Variants in PATJ observed in about 807,000 individuals in gnomAD.
PATJ encodes PATJ crumbs cell polarity complex component.
Under a neutral mutation model 224.9 loss-of-function variants are expected in PATJ, and 190 were observed. The observed-to-expected ratio is 0.84, with a 90% CI of 0.75 to 0.95. PATJ has a LOEUF of 0.95. PATJ is among the 40% of genes least tolerant of loss of function. The probability of loss-of-function intolerance (pLI) is 0.00; values close to 1 mark genes in which losing one functional copy is unlikely to be tolerated. For synonymous variants in PATJ, 769 were observed against 820.3 expected, an observed-to-expected ratio of 0.94 and a Z score of 1.07; for missense variants, 2,121 against 2,270.3, an observed-to-expected ratio of 0.93 and a Z score of 1.34.
chr1:61,858,721 G>A (rs1255526724), intron 18 of PATJ, among the ~76,000 whole-genome samples: 1 of 152,170 alleles, frequency 6.6e-6, no homozygotes, highest in Non-Finnish European at 1.5e-5. Flanking sequence ...TAAGATTTTG[G>A]CAGAGACAAA....
chr1:62,144,589 C>A (rs1169664269), intron 41 of PATJ, among the ~76,000 whole-genome samples: 1 of 151,670 alleles, frequency 6.6e-6, no homozygotes, highest in Non-Finnish European at 1.5e-5. Context: ...GAAGACAACT[C>A]CAGGATAAGG....
In PATJ at chr1:61,959,433, T is replaced by C. The variant is rs1375627529; in HGVS notation, c.3671-30735T>C. Reference sequence around the variant, plus strand: ...TATTATATATATAATATATTTTTTTTCTTTTCTTTTTTTTTTTTTTGAGAC... The same window carrying C: ...TATTATATATATAATATATTTTTTTCCTTTTCTTTTTTTTTTTTTTGAGAC... On this transcript the variant is annotated intron_variant, in intron 27 of 43. Transcript: ENST00000642238. Among the ~76,000 whole-genome samples, 126 of 32,374 alleles carry C rather than the reference T, an allele frequency of 3.9e-3. 4 individuals carry two copies. The highest frequency in any genetic ancestry group is 9.4e-3 in the South Asian group (7 of 748). 21.2% of individuals were successfully genotyped at this position (32,374 alleles called of 152,430 possible).
chr1:62,053,718 TAAA>T (rs61264854), intron 31 of PATJ, among the ~76,000 whole-genome samples: 1 of 146,326 alleles, frequency 6.8e-6, no homozygotes, highest in Non-Finnish European at 1.5e-5. Context: ...AAATTCCGTC[TAAA>T]AAAAAAAAAG....
At chr1:61,913,078 T>C (rs369330024) in intron 25 of PATJ, among the ~76,000 whole-genome samples, 1 of 152,300 alleles carries the variant, frequency 6.6e-6, no homozygotes, top group East Asian at 1.9e-4. Context: ...GACTTTCTCA[T>C]TCTAAACTTT....
At chr1:61,890,061 G>A (rs983708633) in intron 22 of PATJ, among the ~76,000 whole-genome samples, 2 of 152,196 alleles carry the variant, frequency 1.3e-5, no homozygotes, top group Admixed American at 6.5e-5. Flanking sequence ...GGTCTGTGGT[G>A]TGGATGTATT....
intron 30 of PATJ, among the ~76,000 whole-genome samples, chr1:62,046,314 T>C (rs906886843): frequency 4.6e-5 from 7 of 152,206 alleles, no homozygotes; most frequent in African/African-American, 1.7e-4. Flanking sequence ...ATTACAACTT[T>C]AGCTCTACTT....
At chr1:62,137,796 C>G (rs1303554014) in intron 41 of PATJ, among the ~76,000 whole-genome samples, 1 of 151,960 alleles carries the variant, frequency 6.6e-6, no homozygotes, top group Non-Finnish European at 1.5e-5. Flanking sequence ...GCAGCCTCCC[C>G]GTCCTCTGGT....
chr1:61,957,309 A>C (rs927655905), intron 27 of PATJ, among the ~76,000 whole-genome samples: 14 of 152,220 alleles, frequency 9.2e-5, no homozygotes, highest in Non-Finnish European at 1.6e-4. Context: ...TATGGGCTGC[A>C]TGGTACAATG....
intron 7 of PATJ, among the ~76,000 whole-genome samples, chr1:61,786,777 G>A (rs760832934): frequency 6.6e-6 from 1 of 152,038 alleles, no homozygotes; most frequent in Non-Finnish European, 1.5e-5. Flanking sequence ...GGATCAAGAG[G>A]TCAGGAGTTT....
intron 28 of PATJ, among the ~76,000 whole-genome samples, chr1:61,995,524 A>C (rs888982239): frequency 1.4e-4 from 21 of 152,174 alleles, no homozygotes; most frequent in Admixed American, 9.8e-4. Context: ...TGTCCATGAC[A>C]CACTTTTGGT....
chr1:61,756,920 T>G (rs1645679157), intron 1 of PATJ, among the ~76,000 whole-genome samples: 1 of 152,090 alleles, frequency 6.6e-6, no homozygotes, highest in African/African-American at 2.4e-5. Flanking sequence ...CTCATTCCAG[T>G]ATTCCTAAAC....
At chr1:62,065,600 T>A (rs1381478339) in intron 31 of PATJ, among the ~76,000 whole-genome samples, 1 of 152,034 alleles carries the variant, frequency 6.6e-6, no homozygotes, top group Non-Finnish European at 1.5e-5. Context: ...AGAGTAAGAC[T>A]CTGTCTCAAA....
intron 27 of PATJ, among the ~76,000 whole-genome samples, chr1:61,971,428 T>A (rs948161654): frequency 1.3e-5 from 2 of 151,590 alleles, no homozygotes; most frequent in African/African-American, 4.8e-5. Context: ...GGCAGAAGGA[T>A]CACTTAAACT....
At chr1:62,118,688 G>A (rs953482145) in intron 37 of PATJ, among the ~76,000 whole-genome samples, 1 of 152,074 alleles carries the variant, frequency 6.6e-6, no homozygotes, top group Non-Finnish European at 1.5e-5. Flanking sequence ...GGAGTGCAAT[G>A]GCGCGATCTC....
rs369397744 is a variant in PATJ at position 61,787,918 on chromosome 1, C to A, written c.1014C>A (p.Ala338=). Reference sequence around the variant, plus strand: ...GTGACATTTCAGTCACCCCCCCTGCCCCTGCAGCCTTACCTGTTGCCCTGC... The same window carrying A: ...GTGACATTTCAGTCACCCCCCCTGCACCTGCAGCCTTACCTGTTGCCCTGC... The part of the protein sequence containing the change: ...PAGDISVTPP[A]PAALPVALPT... Residue 338 remains alanine (A), a synonymous_variant, in exon 8 of 44, where the codon GCC becomes GCA. Coordinates refer to ENST00000642238, the MANE Select transcript of PATJ (RefSeq NM_001350145.3). 6.2e-6 allele frequency: 10 copies of A among 1,613,898 alleles called. No homozygotes were observed. Among genetic ancestry groups the A allele is most frequent in the African/African-American group, 1.3e-5 (1 of 74,912 alleles).
chr1:62,128,883 G>C lies in PATJ; in HGVS notation c.5209G>C (p.Gly1737Arg). The C allele has an allele frequency of 6.2e-7, 1 of 1,613,516 alleles. No homozygotes were observed. Among genetic ancestry groups the C allele is most frequent in the Non-Finnish European group, 8.5e-7 (1 of 1,179,488 alleles). ...CAGCATTAACGGGCAACCTTTGGAT[G>C]GGCTGTCTCACGCGGATGTGGTTAA... is the stretch of plus-strand genomic sequence containing the variant. ...IVSINGQPLD[G>R]LSHADVVNLL... Residue 1737 changes from glycine to arginine, a missense_variant, in exon 41 of 44, where the codon GGG becomes CGG. Physicochemically the swap from Gly to Arg is moderately radical, Grantham distance 125. Transcript: ENST00000642238.
At chr1:61,906,992 G>T (rs979500614) in intron 24 of PATJ, among the ~76,000 whole-genome samples, 1 of 152,140 alleles carries the variant, frequency 6.6e-6, no homozygotes, top group African/African-American at 2.4e-5. Flanking sequence ...AATCATGGGG[G>T]TGGTTAGCCC....
At position 61,908,423 on chromosome 1, in the gene PATJ, A is replaced by G. The variant is rs772699738; in HGVS notation, c.3433A>G (p.Ile1145Val). The change falls in exon 25 of 44, where the codon ATT becomes GTT. Residue 1145 changes from isoleucine (I) to valine (V), a missense_variant. Coordinates refer to ENST00000642238, the MANE Select transcript of PATJ (RefSeq NM_001350145.3). ...CTCACACAGCGAAGCAGTTGAGGCC[A>G]TTAAGAATGCAGGAAACCCTGTGGT... ...NASHSEAVEA[I>V]KNAGNPVVFI... The G allele has an allele frequency of 8.1e-6, 13 of 1,613,974 alleles. No homozygotes were observed. Among genetic ancestry groups the G allele is most frequent in the Admixed American group, 1.7e-5 (1 of 59,982 alleles).
intron 28 of PATJ, among the ~76,000 whole-genome samples, chr1:62,017,530 C>T (rs1400407307): frequency 6.6e-6 from 1 of 151,424 alleles, no homozygotes; most frequent in Non-Finnish European, 1.5e-5. Context: ...TTAAGACCAA[C>T]CCCAACCTAG....
Sources: allele counts gnomAD v4.1 joint callset (sites outside exome capture counted in the v4.1 genomes callset), GRCh38; gene constraint gnomAD v4.1.1; transcripts MANE v1.5; gene names NCBI Gene and HGNC (gene_info 2026-07-23, HGNC 2026-07-21).